Variants in ATG10 observed in about 807,000 individuals in gnomAD.
The protein encoded by ATG10 is autophagy related 10.
In ATG10, 30 loss-of-function variants were observed where a neutral mutation model predicts 32.1. The observed-to-expected ratio is 0.94, with a 90% CI of 0.70 to 1.27. The LOEUF (loss-of-function observed/expected upper bound fraction) is 1.27. Ranked by LOEUF, ATG10 falls within the 50% of genes most tolerant of loss-of-function variation. The probability of loss-of-function intolerance (pLI) is 0.00; values close to 1 mark genes in which losing one functional copy is unlikely to be tolerated. For missense variants in ATG10, 233 were observed against 262.3 expected (o/e 0.89, Z 0.77); for synonymous variants, 87 against 91.5 (o/e 0.95, Z 0.28).
At chr5:82,161,695 A>AC (rs1491451134) in intron 3 of ATG10, among the ~76,000 whole-genome samples, 91 of 138,478 alleles carry the variant, frequency 6.6e-4, no homozygotes, top group African/African-American at 2.1e-3. Flanking sequence ...ATTAGAGAAT[A>AC]AACACACACA....
chr5:82,067,663 A>G (rs1055471927), intron 3 of ATG10, among the ~76,000 whole-genome samples: 3 of 152,156 alleles, frequency 2.0e-5, no homozygotes, highest in Admixed American at 6.6e-5. Context: ...GGTTACTTCT[A>G]TCTTTGAAAT....
chr5:82,045,944 A>T (rs958524090), intron 2 of ATG10, among the ~76,000 whole-genome samples: 5 of 152,126 alleles, frequency 3.3e-5, no homozygotes, highest in African/African-American at 2.4e-5. Context: ...GATAAAAAGC[A>T]GTGATTGTAC....
At chr5:82,017,202 T>G (rs1469002757) in intron 2 of ATG10, among the ~76,000 whole-genome samples, 1 of 152,140 alleles carries the variant, frequency 6.6e-6, no homozygotes, top group African/African-American at 2.4e-5. Context: ...GTTCTTGATT[T>G]GATTCTCAGC....
intron 2 of ATG10, among the ~76,000 whole-genome samples, chr5:82,009,211 T>C (rs1762062164): frequency 6.6e-6 from 1 of 152,150 alleles, no homozygotes; most frequent in Non-Finnish European, 1.5e-5. Flanking sequence ...CTGATCTAAT[T>C]TTTTAAAGTA....
At chr5:82,038,970 C>A (rs10214040) in intron 2 of ATG10, among the ~76,000 whole-genome samples, 1 of 152,184 alleles carries the variant, frequency 6.6e-6, no homozygotes, top group Non-Finnish European at 1.5e-5. Context: ...ACCTCAGCCT[C>A]GTGAGTAGCT....
In ATG10 at chr5:82,178,573, A is replaced by G. The variant is rs764737354; in HGVS notation, c.439A>G (p.Thr147Ala). The change falls in exon 5 of 8, where the codon ACT becomes GCT. Residue 147 changes from threonine to alanine, a missense_variant. Transcript: ENST00000282185. The part of the protein sequence containing the change: ...KMRLLQGPWD[T>A]ITQQEHPILG... ...GCGACTGCTACAGGGACCATGGGAC[A>G]CTATTACGCAACAGGTTGGAGAGTA... 7 of 1,606,882 alleles carry G rather than the reference A, an allele frequency of 4.4e-6. No homozygotes were observed. Among genetic ancestry groups the G allele is most frequent in the African/African-American group, 1.3e-5 (1 of 74,800 alleles).
intron 4 of ATG10, among the ~76,000 whole-genome samples, chr5:82,175,449 GT>G (rs1423160178): frequency 2.0e-5 from 3 of 152,170 alleles, no homozygotes; most frequent in African/African-American, 7.2e-5. Context: ...CCCAGCTGTT[GT>G]TGTTGTTTAA....
intron 2 of ATG10, 110 bp from the exon 3 acceptor site, chr5:82,058,385 C>T (rs932432282): frequency 9.4e-6 from 7 of 741,884 alleles, no homozygotes; most frequent in Non-Finnish European, 1.7e-5. Context: ...TCATTTAGTA[C>T]ATTTAGTTTT....
intron 4 of ATG10, among the ~76,000 whole-genome samples, chr5:82,171,509 A>G (rs1030639420): frequency 6.6e-6 from 1 of 152,206 alleles, no homozygotes; most frequent in African/African-American, 2.4e-5. Flanking sequence ...TGAAGGGTAG[A>G]TCGTAGAGTC....
intron 2 of ATG10, among the ~76,000 whole-genome samples, chr5:82,007,480 C>T (rs959453567): frequency 2.6e-5 from 4 of 151,934 alleles, no homozygotes; most frequent in African/African-American, 9.7e-5. Flanking sequence ...TGAGACAGGG[C>T]CTTGCTCTGT....
chr5:81,991,949 C>T (rs963100526), intron 2 of ATG10: 1 of 152,222 alleles, frequency 6.6e-6, no homozygotes, highest in African/African-American at 2.4e-5. Context: ...ACCTCAGCCT[C>T]CTGAGTAGCT....
intron 5 of ATG10, among the ~76,000 whole-genome samples, chr5:82,228,864 A>G (rs114683337): frequency 0.012 from 1,791 of 152,358 alleles, 29 homozygotes; most frequent in African/African-American, 0.041. Flanking sequence ...AAGTAGAGGC[A>G]TAAAATTATC....
chr5:82,109,723 A>T (rs1037184430), intron 3 of ATG10, among the ~76,000 whole-genome samples: 1 of 151,496 alleles, frequency 6.6e-6, no homozygotes, highest in Non-Finnish European at 1.5e-5. Flanking sequence ...TCCCTTTCTA[A>T]TTCTTCGCTC....
chr5:82,015,475 A>G lies in ATG10; in HGVS notation c.108+27797A>G, dbSNP rs955923845. On this transcript the variant is annotated intron_variant, in intron 2 of 7. Transcript: ENST00000282185. Reference sequence around the variant, plus strand: ...ACTTTCAGGTACACCTATCAGACGTAGATTTGGTCTTTTCACATAGTCCCA... The same window carrying G: ...ACTTTCAGGTACACCTATCAGACGTGGATTTGGTCTTTTCACATAGTCCCA... 7.2e-5 allele frequency among the ~76,000 whole-genome samples: 11 copies of G among 152,282 alleles called. 1 individual carries two copies. The highest frequency in any genetic ancestry group is 4.6e-4 in the Admixed American group (7 of 15,296).
chr5:81,992,880 A>G (rs768966094), intron 2 of ATG10, among the ~76,000 whole-genome samples: 2 of 151,806 alleles, frequency 1.3e-5, no homozygotes, highest in Non-Finnish European at 2.9e-5. Context: ...TATTTTTAAT[A>G]TTTTTAATTT....
chr5:82,162,395 A>C (rs1477798043), intron 3 of ATG10, among the ~76,000 whole-genome samples: 1 of 152,204 alleles, frequency 6.6e-6, no homozygotes, highest in African/African-American at 2.4e-5. Context: ...TTCAGTATTT[A>C]TTGGATATAG....
chr5:82,235,108 G>C (rs911208244), intron 5 of ATG10, among the ~76,000 whole-genome samples: 1 of 152,090 alleles, frequency 6.6e-6, no homozygotes, highest in African/African-American at 2.4e-5. Context: ...TTGCAGTGGC[G>C]GGGAGGGTGC....
Position 82,016,961 on chromosome 5 carries a change from A to T in ATG10, c.108+29283A>T, listed in dbSNP as rs1762303824. 3.3e-5 allele frequency among the ~76,000 whole-genome samples: 5 copies of T among 152,236 alleles called. No individual in the cohort carries two copies. In the South Asian group the frequency reaches 1.0e-3, roughly 32 times the overall value. Reference sequence around the variant, plus strand: ...CACCTTAGCCTCCCACAGTGCCTGGATTACAGGCGTGAGCCACTGCGCCCA... The same window carrying T: ...CACCTTAGCCTCCCACAGTGCCTGGTTTACAGGCGTGAGCCACTGCGCCCA... On this transcript the variant is annotated intron_variant, in intron 2 of 7. Transcript: ENST00000282185.
At chr5:82,058,923 G>A (rs768655719) in intron 3 of ATG10, among the ~76,000 whole-genome samples, 5 of 152,066 alleles carry the variant, frequency 3.3e-5, no homozygotes, top group African/African-American at 4.8e-5. Flanking sequence ...GTAGTGAGCC[G>A]TCATACTTTT....
Sources: allele counts gnomAD v4.1 joint callset (sites outside exome capture counted in the v4.1 genomes callset), GRCh38; gene constraint gnomAD v4.1.1; transcripts MANE v1.5; gene names NCBI Gene and HGNC (gene_info 2026-07-23, HGNC 2026-07-21).